The following GCFC2 variants were observed in gnomAD, a reference collection of about 807,000 sequenced individuals.
GCFC2 encodes GC-rich sequence DNA-binding factor 2, also known as intron Large complex component GCFC2.
GCFC2 carries 102 observed loss-of-function variants against 99.4 expected under a neutral mutation model. The observed-to-expected ratio is 1.03, with a 90% CI of 0.87 to 1.21. The LOEUF (loss-of-function observed/expected upper bound fraction) is 1.21, where lower values mean the gene tolerates loss of function less well. Among genes scored for constraint, GCFC2 ranks in the 50% most tolerant of loss-of-function variants. The pLI is 0.00. For synonymous variants in GCFC2, 338 were observed against 316.8 expected (o/e 1.07, Z -0.71); for missense variants, 973 against 920.9 (o/e 1.06, Z -0.73).
chr2:75,697,545 A>T (rs1039905258), intron 4 of GCFC2: 13 of 152,246 alleles, frequency 8.5e-5, no homozygotes, highest in African/African-American at 3.1e-4. Context: ...GTTCTGTCAC[A>T]GCACCTGTAG....
chr2:75,671,810 T>C, intron 14 of GCFC2, 140 bp downstream of exon 14: 1 of 390,928 alleles, frequency 2.6e-6, no homozygotes, highest in East Asian at 3.9e-5. Context: ...GCGGCAGAGT[T>C]GAGTAATTCG....
At chr2:75,701,723 A>C (rs1203128346) in intron 3 of GCFC2, 5 of 294,004 alleles carry the variant, frequency 1.7e-5, no homozygotes, top group African/African-American at 1.1e-4. Flanking sequence ...ATATTATTTA[A>C]AGTTACCAAA....
rs766584572 is a variant in GCFC2, at chr2:75,701,292, C to T, written c.620-5G>A. On this transcript the variant is annotated splice_polypyrimidine_tract_variant and splice_region_variant and intron_variant, in intron 3 of 16. Transcript: ENST00000321027. ...TTGTTTCTTCATTTCTGCTTACTAG[C>T]GGAAAAAAAGCTCACATGTAAACGT... 20 of 1,564,454 alleles carry T rather than the reference C, an allele frequency of 1.3e-5. No homozygotes were observed. Among genetic ancestry groups the T allele is most frequent in the East Asian group, 2.2e-5 (1 of 44,626 alleles).
In GCFC2 at chr2:75,667,503, C is replaced by T. The variant is rs191704971; in HGVS notation, c.2104-1450G>A. ...ATGGTTGAGGAAAAAGAATTCTACTCCTTAATCACCTGTTTCAACTATTCA... is the reference window on the plus strand; with the variant it reads ...ATGGTTGAGGAAAAAGAATTCTACTTCTTAATCACCTGTTTCAACTATTCA... On this transcript the variant is annotated intron_variant, in intron 15 of 16. Coordinates refer to ENST00000321027, the MANE Select transcript of GCFC2 (RefSeq NM_003203.5). Among the ~76,000 whole-genome samples, 237 of 152,304 alleles carry T rather than the reference C, an allele frequency of 1.6e-3. 2 individuals are homozygous for T. The highest frequency in any genetic ancestry group is 2.7e-3 in the Non-Finnish European group (185 of 68,022).
intron 14 of GCFC2, 150 bp from the exon 15 acceptor site, chr2:75,670,434 A>G: frequency 1.9e-6 from 1 of 519,686 alleles, no homozygotes. Context: ...ATCTCTGAAT[A>G]AATACTTGAT....
intron 7 of GCFC2, 44 bp from the exon 8 acceptor site, chr2:75,690,763 G>A (rs2301979): frequency 1.8e-5 from 16 of 914,078 alleles, no homozygotes; most frequent in Admixed American, 4.5e-5. Flanking sequence ...ATTCTCAAAA[G>A]AAAAAAGTAA....
At chr2:75,670,013 C>T (rs1382392710) in intron 15 of GCFC2, 125 bp downstream of exon 15, 3 of 589,246 alleles carry the variant, frequency 5.1e-6, no homozygotes, top group Non-Finnish European at 8.8e-6. Flanking sequence ...GCATGAGCCA[C>T]TGTGCCTGGC....
intron 4 of GCFC2, among the ~76,000 whole-genome samples, chr2:75,696,962 A>G (rs978064253): frequency 6.6e-6 from 1 of 151,664 alleles, no homozygotes; most frequent in Non-Finnish European, 1.5e-5. Flanking sequence ...ATTTTTTTGT[A>G]TTTTTAGTAG....
rs1299620835 is a variant in GCFC2 at position 75,702,218 on chromosome 2, T to C, written c.600A>G (p.Gln200=). Residue 200 remains glutamine (Q), a synonymous_variant, in exon 3 of 17, where the codon CAA becomes CAG. Transcript: ENST00000321027. ...PFTLRPQTLR[Q]RMAEESISRN... ...CCATACTTGATTCCTCAGCCATCCTTTGTCTAAGTGTTTGAGGTCTTAGAG... is the reference window on the plus strand; with the variant it reads ...CCATACTTGATTCCTCAGCCATCCTCTGTCTAAGTGTTTGAGGTCTTAGAG... The C allele has an allele frequency of 6.2e-7, 1 of 1,607,280 alleles. No homozygotes were observed. The highest frequency in any genetic ancestry group is 8.5e-7 in the Non-Finnish European group (1 of 1,173,858).
intron 11 of GCFC2, among the ~76,000 whole-genome samples, chr2:75,680,863 C>T (rs1679542748): frequency 6.6e-6 from 1 of 152,184 alleles, no homozygotes; most frequent in African/African-American, 2.4e-5. Context: ...GAAGCTCCTA[C>T]CACAGCATCT....
In GCFC2 at chr2:75,665,921, T is replaced by C. The variant is rs547014580; in HGVS notation, c.2228+8A>G. 22 of 1,557,512 alleles carry C rather than the reference T, an allele frequency of 1.4e-5. No homozygotes were observed. In the East Asian group the frequency reaches 1.8e-4, roughly 13 times the overall value. ...TCTTTATAGAAGTGAAAATAAAATATGCATTACCTGAATTCACTTCTAGAT... is the reference window on the plus strand; with the variant it reads ...TCTTTATAGAAGTGAAAATAAAATACGCATTACCTGAATTCACTTCTAGAT... On this transcript the variant is annotated splice_region_variant and intron_variant, in intron 16 of 16. Transcript: ENST00000321027.
At chr2:75,705,181 G>C (rs758309014) in intron 2 of GCFC2, among the ~76,000 whole-genome samples, 1 of 152,100 alleles carries the variant, frequency 6.6e-6, no homozygotes. Context: ...ACTGTATCTA[G>C]AATCCAGACA....
At chr2:75,690,859 T>G (rs1680036181) in intron 7 of GCFC2, 140 bp from the exon 8 acceptor site, 2 of 559,396 alleles carry the variant, frequency 3.6e-6, no homozygotes, top group Admixed American at 3.6e-5. Flanking sequence ...TTGCAATTAA[T>G]TATGCAATGA....
intron 6 of GCFC2, among the ~76,000 whole-genome samples, chr2:75,692,955 C>T (rs1573074483): frequency 6.6e-6 from 1 of 152,174 alleles, no homozygotes; most frequent in East Asian, 1.9e-4. Context: ...TGATACTCCA[C>T]AGCTGCTGCT....
rs560348994 is a variant in GCFC2, at chr2:75,691,889, A to G, written c.1144+88T>C. The G allele has an allele frequency of 1.6e-5, 11 of 684,284 alleles. No individual in the cohort carries two copies. In the Admixed American group the frequency reaches 3.9e-4, roughly 24 times the overall value. The allele number at this position is 684,284 out of a possible 1,614,324, so 42.4% of individuals were successfully genotyped here. On this transcript the variant is annotated intron_variant, in intron 7 of 16. Transcript: ENST00000321027. ...GGGTTTGTGGGAAAATACATGAAAA[A>G]CATGTTTATAAAAATAAAAATATTT...
chr2:75,664,804 C>A, intron 16 of GCFC2, 21 bp from the exon 17 acceptor site: 3 of 1,179,806 alleles, frequency 2.5e-6, no homozygotes, highest in South Asian at 1.2e-5. Flanking sequence ...AAACAAATTT[C>A]TCCCTTTAAA....
At chr2:75,690,940 C>T in intron 7 of GCFC2, 1 of 399,990 alleles carries the variant, frequency 2.5e-6, no homozygotes, top group Non-Finnish European at 4.4e-6. Flanking sequence ...TGTACTTTGG[C>T]TGGTGTACTT....
chr2:75,686,609 T>TG (rs1459360186), intron 11 of GCFC2, among the ~76,000 whole-genome samples: 1 of 152,094 alleles, frequency 6.6e-6, no homozygotes, highest in Non-Finnish European at 1.5e-5. Context: ...CTGGGTATGG[T>TG]GGCACGCGCC....
intron 14 of GCFC2, 70 bp from the exon 15 acceptor site, chr2:75,670,354 TGAAGAG>T: frequency 9.1e-7 from 1 of 1,103,850 alleles, no homozygotes; most frequent in Non-Finnish European, 1.3e-6. Flanking sequence ...CTAACAAACA[TGAAGAG>T]TTGGTCAAAC....
Sources: gnomAD v4.1 joint callset for allele counts (sites outside exome capture counted in the v4.1 genomes callset) on GRCh38, gnomAD v4.1.1 for gene constraint, MANE v1.5 for transcripts, NCBI Gene and HGNC (gene_info 2026-07-23, HGNC 2026-07-21) for gene names.